PCLO: variants seen among roughly 807,000 people sequenced by gnomAD.
The protein encoded by PCLO is protein piccolo.
In PCLO, 82 loss-of-function variants were observed where a neutral mutation model predicts 427.5. That is an observed-to-expected ratio of 0.19 (90% CI 0.16 to 0.23). PCLO has a LOEUF of 0.23. Among genes scored for constraint, PCLO ranks in the 10% least tolerant of loss-of-function variants. The pLI is 1.00. For synonymous variants in PCLO, 2,357 were observed against 2,155.4 expected, an observed-to-expected ratio of 1.09 and a Z score of -2.59; for missense variants, 6,239 against 6,115.9, an observed-to-expected ratio of 1.02 and a Z score of -0.67.
chr7:82,767,478 T>C (rs1583951954), intron 22 of PCLO, among the ~76,000 whole-genome samples: 1 of 151,994 alleles, frequency 6.6e-6, no homozygotes, highest in East Asian at 1.9e-4. Flanking sequence ...AATAATCACA[T>C]TTTAAAACTA....
At chr7:82,808,358 C>T (rs2129468887) in intron 20 of PCLO, among the ~76,000 whole-genome samples, 1 of 151,960 alleles carries the variant, frequency 6.6e-6, no homozygotes, top group Middle Eastern at 3.4e-3. Flanking sequence ...GTTTCAAAAT[C>T]GTCCATCCTT....
rs866306177 is a variant in PCLO, at chr7:83,155,110, G to A, written c.1531C>T (p.Pro511Ser). 1.3e-6 allele frequency: 2 copies of A among 1,538,776 alleles called. No homozygotes were observed. Among genetic ancestry groups the A allele is most frequent in the East Asian group, 2.3e-5 (1 of 43,442 alleles). ...GGCTTTGCTGGGCCAGGCTGTTGAG[G>A]TGGGGGTTTTGTTGAGCCAGGCTGT... is the stretch of plus-strand genomic sequence containing the variant. ...SQQPGSTKPPPQQPGPAKPSP... is the reference protein window; with the variant it reads ...SQQPGSTKPPSQQPGPAKPSP... The change falls in exon 2 of 25, where the codon CCT becomes TCT. Residue 511 changes from proline to serine, a missense_variant. This residue lies in a region of PCLO where 4,677 missense variants were observed against 4,468.4 expected (regional missense o/e 1.05). Transcript: ENST00000333891.
intron 20 of PCLO, among the ~76,000 whole-genome samples, chr7:82,808,461 T>C (rs1457980010): frequency 1.3e-5 from 2 of 151,858 alleles, no homozygotes; most frequent in Non-Finnish European, 2.9e-5. Context: ...TAAAATAGCA[T>C]AATAAGAAGA....
chr7:82,963,089 G>A (rs1041366436), intron 4 of PCLO, among the ~76,000 whole-genome samples: 1 of 151,858 alleles, frequency 6.6e-6, no homozygotes, highest in African/African-American at 2.4e-5. Context: ...GCAATATGCT[G>A]GGTATTATAT....
At chr7:82,974,792 T>C (rs1167445184) in intron 3 of PCLO, among the ~76,000 whole-genome samples, 1 of 152,122 alleles carries the variant, frequency 6.6e-6, no homozygotes. Context: ...TATTTTATTT[T>C]TTTAGAGACA....
chr7:83,058,726 C>T (rs1455697370), intron 3 of PCLO, among the ~76,000 whole-genome samples: 3 of 152,044 alleles, frequency 2.0e-5, no homozygotes, highest in African/African-American at 7.2e-5. Context: ...ATATTACACG[C>T]TCAAGTTCAT....
rs377317961 is a variant in PCLO, at chr7:82,955,388, A to G, written c.5565T>C (p.Ser1855=). The part of the protein sequence containing the change: ...AAEMEELHRS[S]CSEYSPSIES... ...CTATGCTAGGTGAATATTCAGAACA[A>G]GAAGATCTATGGAGCTCCTCCATTT... Residue 1855 remains serine, a synonymous_variant, in exon 5 of 25, where the codon TCT becomes TCC. Transcript: ENST00000333891. The G allele has an allele frequency of 4.5e-4, 731 of 1,613,910 alleles. 12 individuals are homozygous for G. The South Asian group carries it at 6.6e-3, about 15-fold the overall frequency.
chr7:82,859,542 T>G (rs1007602026), intron 10 of PCLO, among the ~76,000 whole-genome samples: 4 of 152,198 alleles, frequency 2.6e-5, no homozygotes, highest in Non-Finnish European at 5.9e-5. Flanking sequence ...ACCACAGCAT[T>G]ACTGGGCTTG....
At chr7:83,037,951 G>C (rs1788835633) in intron 3 of PCLO, among the ~76,000 whole-genome samples, 1 of 114,272 alleles carries the variant, frequency 8.8e-6, no homozygotes, top group Non-Finnish European at 1.8e-5. Flanking sequence ...TTTTGAGTAA[G>C]TTTCCCGTGT....
rs979054869 is a variant in PCLO, at chr7:83,104,585, T to G, written c.3300+29665A>C. The stretch of plus-strand genomic sequence containing the variant: ...CCTGGCTATAGTAGCTACCTAACAC[T>G]TGAAATTAATATTTTCATAAGCAAT... On this transcript the variant is annotated intron_variant, in intron 3 of 24. Transcript: ENST00000333891. 4.6e-5 allele frequency among the ~76,000 whole-genome samples: 7 copies of G among 152,194 alleles called. No individual in the cohort carries two copies. In the East Asian group the frequency reaches 1.3e-3, roughly 29 times the overall value.
chr7:83,158,471 A>G (rs906108546), intron 1 of PCLO, among the ~76,000 whole-genome samples: 2 of 151,982 alleles, frequency 1.3e-5, no homozygotes, highest in Admixed American at 6.6e-5. Flanking sequence ...CATTTTATTT[A>G]AATAACTTCC....
intron 3 of PCLO, among the ~76,000 whole-genome samples, chr7:82,985,230 G>C (rs1796232036): frequency 6.6e-6 from 1 of 152,014 alleles, no homozygotes. Flanking sequence ...AGGTAGGGCA[G>C]ACAAGGTAAT....
intron 7 of PCLO, among the ~76,000 whole-genome samples, chr7:82,910,112 TA>T (rs1419318038): frequency 6.6e-6 from 1 of 150,746 alleles, no homozygotes; most frequent in Non-Finnish European, 1.5e-5. Context: ...TCCTGCTTCC[TA>T]AACACTAGAA....
intron 10 of PCLO, among the ~76,000 whole-genome samples, chr7:82,856,416 C>T (rs566048720): frequency 2.0e-5 from 3 of 152,184 alleles, no homozygotes; most frequent in South Asian, 4.2e-4. Flanking sequence ...ACCACTAAAA[C>T]AATCCAGTCC....
chr7:82,760,124 G>A (rs1391960268), intron 24 of PCLO, among the ~76,000 whole-genome samples: 1 of 151,952 alleles, frequency 6.6e-6, no homozygotes, highest in Non-Finnish European at 1.5e-5. Context: ...GTGACTTGGA[G>A]TATTAAGTGA....
At chr7:83,136,443 C>T (rs1478003558) in intron 2 of PCLO, among the ~76,000 whole-genome samples, 2 of 152,116 alleles carry the variant, frequency 1.3e-5, no homozygotes, top group Non-Finnish European at 2.9e-5. Flanking sequence ...TTAAGATATA[C>T]AGCCCAGAGT....
At chr7:82,987,840 T>C (rs1397716135) in intron 3 of PCLO, among the ~76,000 whole-genome samples, 4 of 151,994 alleles carry the variant, frequency 2.6e-5, no homozygotes, top group Non-Finnish European at 5.9e-5. Context: ...CATTCACAAA[T>C]AGAATTGTTC....
At chr7:82,908,847 C>G (rs10228024) in intron 8 of PCLO, 30 bp downstream of exon 8, 6 of 1,589,750 alleles carry the variant, frequency 3.8e-6, no homozygotes, top group Non-Finnish European at 5.2e-6. Flanking sequence ...TTTGATAAAT[C>G]TAAAAGAAAT....
chr7:82,866,106 T>C (rs1365387512), intron 10 of PCLO, among the ~76,000 whole-genome samples: 1 of 152,156 alleles, frequency 6.6e-6, no homozygotes, highest in Non-Finnish European at 1.5e-5. Context: ...ACAAGCATGC[T>C]CTTGCTCAGG....
Sources: gnomAD v4.1 joint callset for allele counts (sites outside exome capture counted in the v4.1 genomes callset) on GRCh38, gnomAD v4.1.1 for gene constraint, gnomAD v4.1.1 regional missense constraint, MANE v1.5 for transcripts, NCBI Gene and HGNC (gene_info 2026-07-23, HGNC 2026-07-21) for gene names.